The following NKX3-2 variants were observed in gnomAD, a reference collection of about 807,000 sequenced individuals.
NKX3-2 encodes homeobox protein Nkx-3.2.
Under a neutral mutation model 19.4 loss-of-function variants are expected in NKX3-2, and 13 were observed. The observed-to-expected ratio is 0.67, with a 90% confidence interval of 0.44 to 1.07. The LOEUF (loss-of-function observed/expected upper bound fraction) is 1.07, where lower values mean the gene tolerates loss of function less well. Ranked by LOEUF, NKX3-2 falls within the 50% of genes least tolerant of loss-of-function variation. The pLI is 0.00. For missense variants in NKX3-2, 562 were observed against 488.2 expected, an observed-to-expected ratio of 1.15 and a Z score of -1.42; for synonymous variants, 269 against 230.5, an observed-to-expected ratio of 1.17 and a Z score of -1.51.
rs1718028070 is a variant in NKX3-2 at position 13,542,976 on chromosome 4, A to T, written c.467-448T>A. 1.3e-5 allele frequency among the ~76,000 whole-genome samples: 2 copies of T among 151,856 alleles called. No homozygotes were observed. Among genetic ancestry groups the T allele is most frequent in the South Asian group, 4.2e-4 (2 of 4,794 alleles). Reference sequence around the variant, plus strand: ...ACACGCGCGCGTCCTCGCAGCACACACTTGTCTGGTGCAGGTAAGGGAAGG... The same window carrying T: ...ACACGCGCGCGTCCTCGCAGCACACTCTTGTCTGGTGCAGGTAAGGGAAGG... On this transcript the variant is annotated intron_variant, in intron 1 of 1. Transcript: ENST00000382438. This position sits in a 1 kb window ranked among gnomAD's most constrained non-coding sequence, Gnocchi z 6.4.
rs374816985 is a variant in NKX3-2, at chr4:13,541,911, C to A, written c.*82G>T. 7 of 1,522,762 alleles carry A rather than the reference C, an allele frequency of 4.6e-6. No homozygotes were observed. Among genetic ancestry groups the A allele is most frequent in the South Asian group, 1.2e-5 (1 of 81,444 alleles). The allele number at this position is 1,522,762 out of a possible 1,614,324, so 94.3% of individuals were successfully genotyped here. A position where few individuals can be genotyped will look rare whatever the true frequency, so the allele number is the denominator to read the frequency against. On this transcript the variant is annotated 3_prime_UTR_variant, in exon 2 of 2. Coordinates refer to ENST00000382438, the MANE Select transcript of NKX3-2 (RefSeq NM_001189.4). ...CAGGTGCCTCCTTGGCGGGGCGCCCCGTGCAGGCTACAGCCTACAGCTGTC... is the reference window on the plus strand; with the variant it reads ...CAGGTGCCTCCTTGGCGGGGCGCCCAGTGCAGGCTACAGCCTACAGCTGTC...
In NKX3-2 at chr4:13,542,090, G is replaced by A. The variant is rs1717999845; in HGVS notation, c.905C>T (p.Pro302Leu). ...QYLPGEVLRP[P>L]SLLPLQPSYY... ...GGAGGGCTGCAGTGGCAGAAGCGAGGGTGGCCGCAGCACTTCGCCGGGCAG... is the reference window on the plus strand; with the variant it reads ...GGAGGGCTGCAGTGGCAGAAGCGAGAGTGGCCGCAGCACTTCGCCGGGCAG... Residue 302 changes from proline (P) to leucine (L), a missense_variant, in exon 2 of 2, where the codon CCC (proline) becomes CTC (leucine). Physicochemically the swap from Pro to Leu is moderately conservative, Grantham distance 98 (BLOSUM62 -3). Transcript: ENST00000382438. The surrounding 1 kb of genome is among the most constrained non-coding windows in gnomAD (Gnocchi z 6.4). The A allele has an allele frequency of 6.2e-7, 1 of 1,606,796 alleles. No homozygotes were observed. The highest frequency in any genetic ancestry group is 8.5e-7 in the Non-Finnish European group (1 of 1,174,888).
rs1018740098 is a variant in NKX3-2 at position 13,541,912 on chromosome 4, G to A, written c.*81C>T. 4.6e-6 allele frequency: 7 copies of A among 1,529,766 alleles called. No individual in the cohort carries two copies. Among genetic ancestry groups the A allele is most frequent in the African/African-American group, 2.8e-5 (2 of 72,692 alleles). The allele number at this position is 1,529,766 out of a possible 1,614,324, so 94.8% of individuals were successfully genotyped here. A position where few individuals can be genotyped will look rare whatever the true frequency, so the allele number is the denominator to read the frequency against. Reference sequence around the variant, plus strand: ...AGGTGCCTCCTTGGCGGGGCGCCCCGTGCAGGCTACAGCCTACAGCTGTCA... The same window carrying A: ...AGGTGCCTCCTTGGCGGGGCGCCCCATGCAGGCTACAGCCTACAGCTGTCA... On this transcript the variant is annotated 3_prime_UTR_variant, in exon 2 of 2. Coordinates refer to ENST00000382438, the MANE Select transcript of NKX3-2 (RefSeq NM_001189.4).
Position 13,543,149 on chromosome 4 carries a change from G to C in NKX3-2, c.467-621C>G, listed in dbSNP as rs1718031661. On this transcript the variant is annotated intron_variant, in intron 1 of 1. Coordinates refer to ENST00000382438, the MANE Select transcript of NKX3-2 (RefSeq NM_001189.4). The surrounding 1 kb of genome is among the most constrained non-coding windows in gnomAD (Gnocchi z 7.1). The stretch of plus-strand genomic sequence containing the variant: ...AAAGAGGGAGGGTTGCCCCTGCATC[G>C]AGTTTTTGGACCCTGATCCCACACC... Among the ~76,000 whole-genome samples the C allele has an allele frequency of 6.6e-6, 1 of 152,012 alleles. No homozygotes were observed. The highest frequency in any genetic ancestry group is 1.5e-5 in the Non-Finnish European group (1 of 68,014).
Position 13,541,988 on chromosome 4 carries a change from C to A in NKX3-2, c.*5G>T. The A allele has an allele frequency of 1.9e-6, 3 of 1,576,606 alleles. No individual in the cohort carries two copies. The South Asian group carries it at 3.5e-5, about 18-fold the overall frequency. ...GAATCACTCGCTGCCTCAGCCCAAGCGGGTTCACTGGGTGCCTGCGGCAGC... is the reference window on the plus strand; with the variant it reads ...GAATCACTCGCTGCCTCAGCCCAAGAGGGTTCACTGGGTGCCTGCGGCAGC... On this transcript the variant is annotated 3_prime_UTR_variant, in exon 2 of 2. Coordinates refer to ENST00000382438, the MANE Select transcript of NKX3-2 (RefSeq NM_001189.4).
Position 13,541,501 on chromosome 4 carries a change from C to A in NKX3-2, c.*492G>T, listed in dbSNP as rs77330525. ...CCTGGGACTGCCAGGGTTTCGCACC[C>A]CTTGGTTACAAATGCAATTTCCAAA... On this transcript the variant is annotated 3_prime_UTR_variant, in exon 2 of 2. Coordinates refer to ENST00000382438, the MANE Select transcript of NKX3-2 (RefSeq NM_001189.4). 1,379 of 153,070 alleles carry A rather than the reference C, an allele frequency of 9.0e-3. 17 individuals are homozygous for A. Among genetic ancestry groups the A allele is most frequent in the African/African-American group, 0.028 (1,163 of 41,576 alleles). The allele number at this position is 153,070 out of a possible 1,614,324, so 9.5% of individuals were successfully genotyped here. A position where few individuals can be genotyped will look rare whatever the true frequency, so the allele number is the denominator to read the frequency against.
Position 13,543,907 on chromosome 4 carries a change from T to A in NKX3-2, c.466+42A>T. 6.8e-7 allele frequency: 1 copy of A among 1,464,208 alleles called. No homozygotes were observed. The allele number at this position is 1,464,208 out of a possible 1,614,324, so 90.7% of individuals were successfully genotyped here. A position where few individuals can be genotyped will look rare whatever the true frequency, so the allele number is the denominator to read the frequency against. On this transcript the variant is annotated intron_variant, in intron 1 of 1. Coordinates refer to ENST00000382438, the MANE Select transcript of NKX3-2 (RefSeq NM_001189.4). This position sits in a 1 kb window ranked among gnomAD's most constrained non-coding sequence, Gnocchi z 7.1. ...TCGGCGTGGTTGCCCTCCGCGTCCA[T>A]CCCCTCAGCCCGGCCCCCATCCCCG... is the stretch of plus-strand genomic sequence containing the variant.
upstream of NKX3-2, chr4:13,546,618 G>A (rs1560166623): frequency 6.0e-6 from 2 of 335,452 alleles, no homozygotes; most frequent in Non-Finnish European, 1.2e-5. Flanking sequence ...GTCCCGTACA[G>A]CGATCGCTTT....
Position 13,541,820 on chromosome 4 carries a change from G to T in NKX3-2, c.*173C>A. ...AATTAGAAAAAGGCGCCCCCTCAGG[G>T]CAGACTCAGCCCAGCTGCCAGGGGA... On this transcript the variant is annotated 3_prime_UTR_variant, in exon 2 of 2. Transcript: ENST00000382438. The T allele has an allele frequency of 9.7e-7, 1 of 1,034,226 alleles. No individual in the cohort carries two copies. Among genetic ancestry groups the T allele is most frequent in the Non-Finnish European group, 1.4e-6 (1 of 725,430 alleles). 64.1% of individuals were successfully genotyped at this position (1,034,226 alleles called of 1,614,324 possible).
rs1297698469 is a variant in NKX3-2 at position 13,541,815 on chromosome 4, T to G, written c.*178A>C. Reference sequence around the variant, plus strand: ...GTTCAAATTAGAAAAAGGCGCCCCCTCAGGGCAGACTCAGCCCAGCTGCCA... The same window carrying G: ...GTTCAAATTAGAAAAAGGCGCCCCCGCAGGGCAGACTCAGCCCAGCTGCCA... On this transcript the variant is annotated 3_prime_UTR_variant, in exon 2 of 2. Transcript: ENST00000382438. The G allele has an allele frequency of 8.1e-6, 8 of 982,198 alleles. No individual in the cohort carries two copies. The highest frequency in any genetic ancestry group is 1.0e-5 in the Non-Finnish European group (7 of 683,388). 60.8% of individuals were successfully genotyped at this position (982,198 alleles called of 1,614,324 possible). A position where few individuals can be genotyped will look rare whatever the true frequency, so the allele number is the denominator to read the frequency against.
rs1263539347 is a variant in NKX3-2, at chr4:13,543,623, A to G, written c.466+326T>C. On this transcript the variant is annotated intron_variant, in intron 1 of 1. Transcript: ENST00000382438. This position sits in a 1 kb window ranked among gnomAD's most constrained non-coding sequence, Gnocchi z 7.1. Reference sequence around the variant, plus strand: ...TCCCTGATTTTGGGGATTTGGGGACAGACACGGCAGAAAGCACTGGCGACG... The same window carrying G: ...TCCCTGATTTTGGGGATTTGGGGACGGACACGGCAGAAAGCACTGGCGACG... 6.6e-6 allele frequency among the ~76,000 whole-genome samples: 1 copy of G among 152,178 alleles called. No individual in the cohort carries two copies. The highest frequency in any genetic ancestry group is 1.5e-5 in the Non-Finnish European group (1 of 68,024).
At chr4:13,545,755 GT>G (rs1010613306), upstream of NKX3-2, among the ~76,000 whole-genome samples, 1 of 151,594 alleles carries the variant, frequency 6.6e-6, no homozygotes, top group Non-Finnish European at 1.5e-5. Context: ...CTTTCAATTT[GT>G]TTTTTTTAAA....
At position 13,542,363 on chromosome 4, in the gene NKX3-2, G is replaced by A; in HGVS notation, c.632C>T (p.Ala211Val). 6.6e-7 allele frequency: 1 copy of A among 1,524,296 alleles called. No homozygotes were observed. Among genetic ancestry groups the A allele is most frequent in the Non-Finnish European group, 8.8e-7 (1 of 1,138,450 alleles). The allele number at this position is 1,524,296 out of a possible 1,614,324, so 94.4% of individuals were successfully genotyped here. Reference protein sequence around the residue: ...APKPRKKRSRAAFSHAQVFEL... With the variant: ...APKPRKKRSRVAFSHAQVFEL... ...GAAGACCTGCGCGTGGGAGAAAGCG[G>A]CCCGCGAGCGCTTCTTGCGTGGCTT... The change falls in exon 2 of 2, where the codon GCC becomes GTC. Residue 211 changes from alanine to valine, a missense_variant. By Grantham distance (64) the Ala-to-Val change is moderately conservative (BLOSUM62 0). Transcript: ENST00000382438. The surrounding 1 kb of genome is among the most constrained non-coding windows in gnomAD (Gnocchi z 6.4).
upstream of NKX3-2, chr4:13,547,728 G>C (rs571059606): frequency 1.9e-5 from 3 of 154,160 alleles, no homozygotes; most frequent in African/African-American, 7.2e-5. Context: ...GGCGGGCGGA[G>C]AGCGGGATTT....
chr4:13,543,801 G>T lies in NKX3-2; in HGVS notation c.466+148C>A. 1.4e-6 allele frequency: 1 copy of T among 724,302 alleles called. No individual in the cohort carries two copies. The highest frequency in any genetic ancestry group is 2.1e-6 in the Non-Finnish European group (1 of 467,092). 44.9% of individuals were successfully genotyped at this position (724,302 alleles called of 1,614,324 possible). On this transcript the variant is annotated intron_variant, in intron 1 of 1. Transcript: ENST00000382438. The surrounding 1 kb of genome is among the most constrained non-coding windows in gnomAD (Gnocchi z 7.1). Reference sequence around the variant, plus strand: ...GCTCAGTTCCCGAAGTGATAGAGCAGCTCGCGCCAGAGCGCAGAACTTCGG... The same window carrying T: ...GCTCAGTTCCCGAAGTGATAGAGCATCTCGCGCCAGAGCGCAGAACTTCGG...
chr4:13,543,572 G>C lies in NKX3-2; in HGVS notation c.466+377C>G, dbSNP rs1211443589. ...AGAGCTAGGTCACTGGCTACCTGAG[G>C]TCTCTGAACCCCTCACTTTTCCGCT... On this transcript the variant is annotated intron_variant, in intron 1 of 1. Transcript: ENST00000382438. This position sits in a 1 kb window ranked among gnomAD's most constrained non-coding sequence, Gnocchi z 7.1. Among the ~76,000 whole-genome samples the C allele has an allele frequency of 1.3e-5, 2 of 152,154 alleles. No individual in the cohort carries two copies. The highest frequency in any genetic ancestry group is 2.9e-5 in the Non-Finnish European group (2 of 68,032).
At position 13,544,296 on chromosome 4, in the gene NKX3-2, G is replaced by T. The variant is rs1165080654; in HGVS notation, c.119C>A (p.Ala40Glu). The T allele has an allele frequency of 6.5e-7, 1 of 1,538,600 alleles. No homozygotes were observed. Among genetic ancestry groups the T allele is most frequent in the Admixed American group, 2.0e-5 (1 of 49,776 alleles). ...AGCGGGAGCCGCGGCCACCGATGCC[G>T]CTGTGCCCCCGGGCGCCGGGCGCCC... is the stretch of plus-strand genomic sequence containing the variant. ...PEGRPAPGGT[A>E]ASVAAAPAVC... The change falls in exon 1 of 2, where the codon GCG becomes GAG. Residue 40 changes from alanine (A) to glutamate (E), a missense_variant. Physicochemically the swap from Ala to Glu is moderately radical, Grantham distance 107 (BLOSUM62 -1). Transcript: ENST00000382438.
At chr4:13,545,437 G>T (rs1271836103), upstream of NKX3-2, among the ~76,000 whole-genome samples, 1 of 152,208 alleles carries the variant, frequency 6.6e-6, no homozygotes, top group Non-Finnish European at 1.5e-5. Flanking sequence ...TTATAAACAC[G>T]AAGAACAAAA....
At position 13,541,971 on chromosome 4, in the gene NKX3-2, C is replaced by T. The variant is rs767571387; in HGVS notation, c.*22G>A. On this transcript the variant is annotated 3_prime_UTR_variant, in exon 2 of 2. Coordinates refer to ENST00000382438, the MANE Select transcript of NKX3-2 (RefSeq NM_001189.4). ...CCGGAGCCGGAGCGCGGGAATCACT[C>T]GCTGCCTCAGCCCAAGCGGGTTCAC... 6.4e-7 allele frequency: 1 copy of T among 1,563,346 alleles called. No homozygotes were observed. Among genetic ancestry groups the T allele is most frequent in the Non-Finnish European group, 8.7e-7 (1 of 1,154,544 alleles).
Sources: allele counts gnomAD v4.1 joint callset (sites outside exome capture counted in the v4.1 genomes callset), GRCh38; gene constraint gnomAD v4.1.1; non-coding constraint Gnocchi (gnomAD v3.1); transcripts MANE v1.5; gene names NCBI Gene and HGNC (gene_info 2026-07-23, HGNC 2026-07-21).